The following NEGR1 variants were observed in gnomAD, a reference collection of about 807,000 sequenced individuals.
The protein encoded by NEGR1 is neuronal growth regulator 1, also known as IgLON family member 4.
A neutral mutation model predicts 40.9 loss-of-function variants in NEGR1; 10 were observed. That is an observed-to-expected ratio of 0.24 (90% CI 0.15 to 0.42). The LOEUF is 0.42. Ranked by LOEUF, NEGR1 falls within the 10% of genes least tolerant of loss-of-function variation. NEGR1 has a pLI of 1.00. For synonymous variants in NEGR1, 185 were observed against 166.8 expected (o/e 1.11, Z -0.84); for missense variants, 352 against 438.9 (o/e 0.80, Z 1.77).
intron 4 of NEGR1, among the ~76,000 whole-genome samples, chr1:71,625,374 A>T (rs1258104653): frequency 6.6e-6 from 1 of 152,044 alleles, no homozygotes; most frequent in Non-Finnish European, 1.5e-5. Context: ...GGGCTTAAAA[A>T]TATTTGAACT....
intron 1 of NEGR1, among the ~76,000 whole-genome samples, chr1:71,983,517 C>T (rs1008022604): frequency 5.3e-5 from 8 of 152,138 alleles, no homozygotes; most frequent in African/African-American, 1.9e-4. Context: ...GCATAATTCA[C>T]TATCATCCAA....
intron 1 of NEGR1, among the ~76,000 whole-genome samples, chr1:72,119,479 C>T (rs1649716889): frequency 6.6e-6 from 1 of 151,658 alleles, no homozygotes; most frequent in African/African-American, 2.4e-5. Flanking sequence ...ATGAGGGGGG[C>T]ATAAGAATAA....
chr1:71,917,214 A>G (rs1163684089), intron 2 of NEGR1, among the ~76,000 whole-genome samples: 3 of 152,232 alleles, frequency 2.0e-5, no homozygotes, highest in African/African-American at 7.2e-5. Context: ...CTGGAAAACT[A>G]TGAATCATAC....
intron 1 of NEGR1, among the ~76,000 whole-genome samples, chr1:72,023,265 C>T (rs184596813): frequency 6.6e-6 from 1 of 151,998 alleles, no homozygotes; most frequent in Non-Finnish European, 1.5e-5. Flanking sequence ...GTGGTGGTAT[C>T]GTACCCCGAG....
chr1:71,448,529 G>T (rs1646599877), intron 6 of NEGR1, among the ~76,000 whole-genome samples: 1 of 152,172 alleles, frequency 6.6e-6, no homozygotes, highest in Non-Finnish European at 1.5e-5. Flanking sequence ...AGCCCAGGAG[G>T]TGGAGGTTGC....
intron 1 of NEGR1, among the ~76,000 whole-genome samples, chr1:72,054,175 C>G (rs1310936774): frequency 6.6e-6 from 1 of 151,372 alleles, no homozygotes; most frequent in African/African-American, 2.4e-5. Context: ...CTTTTCCACC[C>G]TAGTGAAAAG....
chr1:71,601,309 A>G (rs1404927520), intron 5 of NEGR1, among the ~76,000 whole-genome samples: 8 of 150,726 alleles, frequency 5.3e-5, no homozygotes, highest in African/African-American at 2.0e-4. Flanking sequence ...TTAAAAAGTC[A>G]AAAAAACAAC....
chr1:71,906,350 T>A (rs1269135807), intron 2 of NEGR1, among the ~76,000 whole-genome samples: 1 of 151,760 alleles, frequency 6.6e-6, no homozygotes, highest in East Asian at 1.9e-4. Flanking sequence ...AGCTTATCCA[T>A]GTAACCAAAC....
At chr1:72,237,300 T>C (rs1039940312) in intron 1 of NEGR1, among the ~76,000 whole-genome samples, 1 of 151,970 alleles carries the variant, frequency 6.6e-6, no homozygotes, top group Non-Finnish European at 1.5e-5. Context: ...AACCAGAGAA[T>C]CATATATTTT....
At chr1:72,067,869 A>T (rs1387257616) in intron 1 of NEGR1, among the ~76,000 whole-genome samples, 1 of 152,182 alleles carries the variant, frequency 6.6e-6, no homozygotes, top group Non-Finnish European at 1.5e-5. Context: ...TATTCATTAT[A>T]AAATATTTGG....
chr1:71,703,076 T>C (rs1476285602), intron 3 of NEGR1: 1 of 150,280 alleles, frequency 6.7e-6, no homozygotes, highest in East Asian at 1.9e-4. Flanking sequence ...CCCACAAATC[T>C]GAAAAAAAAA....
At chr1:71,489,751 C>T (rs1277592339) in intron 6 of NEGR1, 1 of 151,500 alleles carries the variant, frequency 6.6e-6, no homozygotes, top group South Asian at 2.1e-4. Context: ...GCCTTATTTC[C>T]CTGGAGTATA....
At chr1:71,919,354 C>A (rs1427750635) in intron 2 of NEGR1, among the ~76,000 whole-genome samples, 1 of 152,152 alleles carries the variant, frequency 6.6e-6, no homozygotes, top group Non-Finnish European at 1.5e-5. Flanking sequence ...CATAGTAATG[C>A]TAGACAATGT....
At chr1:71,787,606 A>C (rs1656959548) in intron 2 of NEGR1, among the ~76,000 whole-genome samples, 2 of 152,168 alleles carry the variant, frequency 1.3e-5, no homozygotes, top group South Asian at 4.1e-4. Flanking sequence ...CTGTGAAATT[A>C]GCCTGGCACT....
intron 1 of NEGR1, among the ~76,000 whole-genome samples, chr1:71,954,752 A>T (rs1336986174): frequency 6.6e-6 from 1 of 152,038 alleles, no homozygotes. Context: ...AAAAACACAA[A>T]TCCATATAAG....
At chr1:71,829,220 T>C (rs1450445754) in intron 2 of NEGR1, among the ~76,000 whole-genome samples, 2 of 151,986 alleles carry the variant, frequency 1.3e-5, no homozygotes, top group Admixed American at 6.6e-5. Context: ...TGTTGTATCA[T>C]ATTTTCCTTT....
intron 1 of NEGR1, among the ~76,000 whole-genome samples, chr1:71,987,958 T>C (rs764148007): frequency 9.2e-5 from 14 of 152,168 alleles, no homozygotes; most frequent in Admixed American, 3.3e-4. Context: ...TTAAAAAAAA[T>C]CTTAAGAAAT....
At chr1:72,124,607 T>C (rs1056959242) in intron 1 of NEGR1, among the ~76,000 whole-genome samples, 2 of 152,104 alleles carry the variant, frequency 1.3e-5, no homozygotes, top group African/African-American at 4.8e-5. Context: ...TAATCTGGGA[T>C]ACCTGTATAA....
chr1:72,209,532 C>G (rs1277290978), intron 1 of NEGR1, among the ~76,000 whole-genome samples: 2 of 151,746 alleles, frequency 1.3e-5, no homozygotes, highest in Non-Finnish European at 3.0e-5. Flanking sequence ...ACACCTATCC[C>G]ACTCATTCAG....
Sources: allele counts gnomAD v4.1 joint callset (sites outside exome capture counted in the v4.1 genomes callset), GRCh38; gene constraint gnomAD v4.1.1; transcripts MANE v1.5; gene names NCBI Gene and HGNC (gene_info 2026-07-23, HGNC 2026-07-21).